Variants in TEAD4 observed in about 807,000 individuals in gnomAD.
TEAD4 encodes the protein TEA domain transcription factor 4, also known as transcriptional enhancer factor TEF-3.
A neutral mutation model predicts 52.4 loss-of-function variants in TEAD4; 36 were observed. The ratio of observed to expected loss-of-function variants is 0.69; its 90% CI spans 0.53 to 0.91. The LOEUF is 0.91. Ranked by LOEUF, TEAD4 falls within the 40% of genes least tolerant of loss-of-function variation. The probability of loss-of-function intolerance (pLI) is 0.00; values close to 1 mark genes in which losing one functional copy is unlikely to be tolerated. For synonymous variants in TEAD4, 220 were observed against 231.0 expected (o/e 0.95, Z 0.43); for missense variants, 508 against 583.9 (o/e 0.87, Z 1.34).
intron 2 of TEAD4, among the ~76,000 whole-genome samples, chr12:2,967,316 T>TC (rs1326041340): frequency 6.6e-6 from 1 of 152,162 alleles, no homozygotes; most frequent in African/African-American, 2.4e-5. Context: ...CCCGTTTTTT[T>TC]CCCTACTGAA....
intron 2 of TEAD4, among the ~76,000 whole-genome samples, chr12:2,970,784 C>G (rs1190752309): frequency 2.0e-5 from 3 of 152,198 alleles, no homozygotes; most frequent in African/African-American, 7.2e-5. Context: ...ATCTGTCTGC[C>G]TGGGGCTTGA....
At position 2,994,900 on chromosome 12, in the gene TEAD4, C is replaced by A; in HGVS notation, c.134C>A (p.Pro45Gln). Residue 45 changes from proline to glutamine, a missense_variant, in exon 3 of 13, where the codon CCG becomes CAG. Coordinates refer to ENST00000359864, the MANE Select transcript of TEAD4 (RefSeq NM_003213.4). The surrounding 1 kb of genome is among the most constrained non-coding windows in gnomAD (Gnocchi z 4.7). ...AATGACGCAGAGGGCGTGTGGAGCC[C>A]GGATATTGAGCAGAGTTTCCAGGAG... The A allele has an allele frequency of 6.2e-7, 1 of 1,614,152 alleles. No individual in the cohort carries two copies. Among genetic ancestry groups the A allele is most frequent in the African/African-American group, 1.3e-5 (1 of 75,048 alleles).
intron 2 of TEAD4, among the ~76,000 whole-genome samples, chr12:2,985,920 C>G (rs1453467835): frequency 6.6e-6 from 1 of 151,412 alleles, no homozygotes. Context: ...CCTGTCTCTA[C>G]TAAAAAAATA....
At chr12:2,998,362 C>T (rs986916639) in intron 3 of TEAD4, among the ~76,000 whole-genome samples, 4 of 151,864 alleles carry the variant, frequency 2.6e-5, no homozygotes, top group Non-Finnish European at 4.4e-5. Context: ...GGGGAAGCGC[C>T]GGGCTGTGGA....
intron 3 of TEAD4, among the ~76,000 whole-genome samples, chr12:2,998,767 C>G (rs2098249283): frequency 6.6e-6 from 1 of 152,096 alleles, no homozygotes; most frequent in African/African-American, 2.4e-5. Flanking sequence ...GGGGCTTTAA[C>G]CCAGTTCTCC....
chr12:2,997,941 A>C (rs1453077829), intron 3 of TEAD4, among the ~76,000 whole-genome samples: 1 of 152,154 alleles, frequency 6.6e-6, no homozygotes, highest in Non-Finnish European at 1.5e-5. Flanking sequence ...ATCGCCAGAA[A>C]TATTTCATTT....
At chr12:3,035,142 A>G (rs1009744295) in intron 10 of TEAD4, among the ~76,000 whole-genome samples, 6 of 152,338 alleles carry the variant, frequency 3.9e-5, no homozygotes, top group African/African-American at 1.4e-4. Context: ...TTATTTTCAT[A>G]TATATTAGAA....
chr12:2,968,083 CTTTTT>C (rs34430154), intron 2 of TEAD4, among the ~76,000 whole-genome samples: 1 of 111,964 alleles, frequency 8.9e-6, no homozygotes, highest in African/African-American at 3.0e-5. Flanking sequence ...ACATGTGGGT[CTTTTT>C]TTTTTTTTTT....
chr12:2,968,148 G>A (rs543269407), intron 2 of TEAD4, among the ~76,000 whole-genome samples: 3 of 148,850 alleles, frequency 2.0e-5, no homozygotes, highest in East Asian at 4.0e-4. Context: ...GTGCAATGGC[G>A]TGATCTCGAC....
At position 2,976,321 on chromosome 12, in the gene TEAD4, C is replaced by CT. The variant is rs769519037; in HGVS notation, c.-30+16294dup. On this transcript the variant is annotated intron_variant, in intron 2 of 12. Transcript: ENST00000359864. ...ACCTCCACACCTGGCCATCTCATTT[C>CT]TTTTTTTTTTTTTCTGAATAGTATT... Among the ~76,000 whole-genome samples, 229 of 142,036 alleles carry CT rather than the reference C, an allele frequency of 1.6e-3. 1 individual carries two copies. The highest frequency in any genetic ancestry group is 2.9e-3 in the South Asian group (13 of 4,416). The allele number at this position is 142,036 out of a possible 152,430, so 93.2% of individuals were successfully genotyped here.
chr12:3,038,271 C>T (rs1234089247), intron 11 of TEAD4, among the ~76,000 whole-genome samples, 163 bp downstream of exon 11: 1 of 152,224 alleles, frequency 6.6e-6, no homozygotes, highest in Non-Finnish European at 1.5e-5. Flanking sequence ...CCACACTCCC[C>T]TTGGCACCAG....
chr12:2,959,912 C>G lies in TEAD4; in HGVS notation c.-122-36C>G, dbSNP rs940475990. 5.3e-5 allele frequency: 8 copies of G among 152,094 alleles called. No individual in the cohort carries two copies. The highest frequency in any genetic ancestry group is 1.9e-4 in the African/African-American group (8 of 41,444). The allele number at this position is 152,094 out of a possible 1,614,324, so 9.4% of individuals were successfully genotyped here. On this transcript the variant is annotated intron_variant, in intron 1 of 12. Transcript: ENST00000359864. This position sits in a 1 kb window ranked among gnomAD's most constrained non-coding sequence, Gnocchi z 5.1. ...GCCGCCCGTCGGCCCCGGCCGGAGC[C>G]CGGCTCTGCGCGCTGACGCCCTGTC...
chr12:3,011,783 A>C (rs2098260559), intron 4 of TEAD4, among the ~76,000 whole-genome samples: 1 of 152,122 alleles, frequency 6.6e-6, no homozygotes, highest in Non-Finnish European at 1.5e-5. Context: ...CTCCTACCTC[A>C]GCCTTCCGAG....
rs1402110482 is a variant in TEAD4, at chr12:3,021,860, T to A, written c.740T>A (p.Phe247Tyr). The A allele has an allele frequency of 6.2e-7, 1 of 1,614,160 alleles. No homozygotes were observed. Among genetic ancestry groups the A allele is most frequent in the Non-Finnish European group, 8.5e-7 (1 of 1,180,024 alleles). ...TCTCCACAGTACAACAAGCACCTGT[T>A]CGTGCACATTGGCCAGTCCAGCCCA... The change falls in exon 10 of 13, where the codon TTC becomes TAC. Residue 247 changes from phenylalanine (F) to tyrosine (Y), a missense_variant. Phe to Tyr is a conservative substitution (Grantham distance 22, BLOSUM62 3). Transcript: ENST00000359864.
chr12:3,000,816 T>TCACA (rs1366481748), intron 3 of TEAD4, among the ~76,000 whole-genome samples: 2 of 151,954 alleles, frequency 1.3e-5, no homozygotes, highest in African/African-American at 4.8e-5. Context: ...TCTGGATGAG[T>TCACA]CACACAGCTA....
At position 2,959,801 on chromosome 12, in the gene TEAD4, C is replaced by G. The variant is rs2098213716; in HGVS notation, c.-122-147C>G. The G allele has an allele frequency of 6.6e-6, 1 of 151,314 alleles. No homozygotes were observed. The highest frequency in any genetic ancestry group is 1.5e-5 in the Non-Finnish European group (1 of 67,794). 9.4% of individuals were successfully genotyped at this position (151,314 alleles called of 1,614,324 possible). Reference sequence around the variant, plus strand: ...AGTCCCATTCTGGGAAAACTCCTCCCTCCGCGCGCTCCGCTCCGCTCCGCT... The same window carrying G: ...AGTCCCATTCTGGGAAAACTCCTCCGTCCGCGCGCTCCGCTCCGCTCCGCT... On this transcript the variant is annotated intron_variant, in intron 1 of 12. Coordinates refer to ENST00000359864, the MANE Select transcript of TEAD4 (RefSeq NM_003213.4). The surrounding 1 kb of genome is among the most constrained non-coding windows in gnomAD (Gnocchi z 5.1).
Position 2,976,169 on chromosome 12 carries a change from C to G in TEAD4, c.-30+16129C>G, listed in dbSNP as rs527795045. ...TACAGGCACGTGCCACCATGCCCGG[C>G]TAATTTTTATATTTTTAGTAGACAC... On this transcript the variant is annotated intron_variant, in intron 2 of 12. Coordinates refer to ENST00000359864, the MANE Select transcript of TEAD4 (RefSeq NM_003213.4). Among the ~76,000 whole-genome samples, 13 of 152,130 alleles carry G rather than the reference C, an allele frequency of 8.5e-5. No individual in the cohort carries two copies. In the South Asian group the frequency reaches 2.5e-3, roughly 29 times the overall value.
At position 2,964,580 on chromosome 12, in the gene TEAD4, C is replaced by T. The variant is rs551245132; in HGVS notation, c.-30+4540C>T. Among the ~76,000 whole-genome samples, 19 of 151,684 alleles carry T rather than the reference C, an allele frequency of 1.3e-4. No homozygotes were observed. In the East Asian group the frequency reaches 1.7e-3, roughly 14 times the overall value. ...TCAAGCGATTCTCCTGCCTCAGCCT[C>T]CTGAGTAGCTGGGATTACAGGTGCC... On this transcript the variant is annotated intron_variant, in intron 2 of 12. Coordinates refer to ENST00000359864, the MANE Select transcript of TEAD4 (RefSeq NM_003213.4).
At chr12:2,984,442 A>T (rs6489416) in intron 2 of TEAD4, among the ~76,000 whole-genome samples, 1 of 151,988 alleles carries the variant, frequency 6.6e-6, no homozygotes, top group South Asian at 2.1e-4. Flanking sequence ...TTCAGGAGAC[A>T]TGTAGGCGAC....
Sources: allele counts gnomAD v4.1 joint callset (sites outside exome capture counted in the v4.1 genomes callset), GRCh38; gene constraint gnomAD v4.1.1; non-coding constraint Gnocchi (gnomAD v3.1); transcripts MANE v1.5; gene names NCBI Gene and HGNC (gene_info 2026-07-23, HGNC 2026-07-21).